Variants in C9orf85 observed in about 807,000 individuals in gnomAD.
C9orf85 encodes uncharacterized protein C9orf85.
C9orf85 carries 16 observed loss-of-function variants against 14.9 expected under a neutral mutation model. That is an observed-to-expected ratio of 1.08 (90% CI 0.73 to 1.63). The LOEUF is 1.63. Among genes scored for constraint, C9orf85 ranks in the 40% most tolerant of loss-of-function variants. The probability of loss-of-function intolerance (pLI) is 0.00; values close to 1 mark genes in which losing one functional copy is unlikely to be tolerated. For missense variants in C9orf85, 172 were observed against 186.1 expected, an observed-to-expected ratio of 0.92 and a Z score of 0.44; for synonymous variants, 45 against 56.8, an observed-to-expected ratio of 0.79 and a Z score of 0.93.
At chr9:71,956,407 G>A (rs775040668) in intron 2 of C9orf85, among the ~76,000 whole-genome samples, 9 of 151,644 alleles carry the variant, frequency 5.9e-5, no homozygotes, top group Non-Finnish European at 1.3e-4. Context: ...GCACCACCAC[G>A]CTCAGCTAAT....
intron 1 of C9orf85, among the ~76,000 whole-genome samples, chr9:71,926,610 C>A (rs1589248624): frequency 1.5e-5 from 2 of 133,786 alleles, no homozygotes; most frequent in African/African-American, 2.8e-5. Context: ...TTTCAAAGTC[C>A]AAAAACCAGC....
chr9:71,942,116 C>G (rs555778531), intron 1 of C9orf85, among the ~76,000 whole-genome samples: 1 of 152,282 alleles, frequency 6.6e-6, no homozygotes, highest in African/African-American at 2.4e-5. Context: ...TCCTGCAGAT[C>G]CTATGACTAT....
chr9:71,936,429 T>C (rs1480178244), intron 1 of C9orf85, among the ~76,000 whole-genome samples: 1 of 148,638 alleles, frequency 6.7e-6, no homozygotes, highest in African/African-American at 2.5e-5. Context: ...ACAAATGGGA[T>C]TGAAAGTATT....
At chr9:71,924,568 G>A (rs1827888340) in intron 1 of C9orf85, among the ~76,000 whole-genome samples, 1 of 152,150 alleles carries the variant, frequency 6.6e-6, no homozygotes, top group African/African-American at 2.4e-5. Context: ...CAGTTTTGGA[G>A]GTCAGCTGAT....
intron 3 of C9orf85, among the ~76,000 whole-genome samples, chr9:71,982,172 A>C (rs755434099): frequency 7.2e-5 from 11 of 152,092 alleles, no homozygotes; most frequent in Non-Finnish European, 1.3e-4. Context: ...GTCTAGCTCC[A>C]TTCACCTTAC....
chr9:71,951,815 G>A (rs186090646), intron 2 of C9orf85, among the ~76,000 whole-genome samples: 5 of 151,760 alleles, frequency 3.3e-5, no homozygotes, highest in Admixed American at 1.3e-4. Flanking sequence ...AAATAATCTC[G>A]ATATGGAGCT....
intron 1 of C9orf85, among the ~76,000 whole-genome samples, chr9:71,917,166 G>T (rs1375092063): frequency 6.6e-6 from 1 of 152,198 alleles, no homozygotes; most frequent in Non-Finnish European, 1.5e-5. Context: ...CTGTATTTTT[G>T]GGTGTAATGG....
intron 1 of C9orf85, among the ~76,000 whole-genome samples, chr9:71,937,252 T>A (rs1828213674): frequency 6.6e-6 from 1 of 152,324 alleles, no homozygotes; most frequent in Middle Eastern, 3.4e-3. Context: ...TGCCACAGCA[T>A]GTTTCTGCCT....
chr9:71,942,310 C>T (rs1821953898), intron 1 of C9orf85, among the ~76,000 whole-genome samples: 1 of 152,206 alleles, frequency 6.6e-6, no homozygotes. Context: ...TGAAACTTTG[C>T]ACTTCAGTAA....
At chr9:71,980,246 G>C (rs1379540115) in intron 3 of C9orf85, among the ~76,000 whole-genome samples, 1 of 152,008 alleles carries the variant, frequency 6.6e-6, no homozygotes, top group Non-Finnish European at 1.5e-5. Flanking sequence ...ACTCCTGACT[G>C]CAAGTGATCC....
At chr9:71,933,672 G>T (rs1042358466) in intron 1 of C9orf85, among the ~76,000 whole-genome samples, 1 of 152,076 alleles carries the variant, frequency 6.6e-6, no homozygotes, top group Admixed American at 6.6e-5. Context: ...GTCCCCTGTA[G>T]AAACTAAAGA....
intron 2 of C9orf85, among the ~76,000 whole-genome samples, chr9:71,962,993 T>C (rs371173422): frequency 3.9e-5 from 6 of 151,974 alleles, no homozygotes; most frequent in African/African-American, 1.4e-4. Flanking sequence ...GAAGTGGAGG[T>C]TGCAGTGAGC....
intron 3 of C9orf85, among the ~76,000 whole-genome samples, chr9:71,982,074 C>G (rs148767513): frequency 5.3e-5 from 8 of 152,162 alleles, no homozygotes; most frequent in Non-Finnish European, 8.8e-5. Context: ...ACTCCCCAGC[C>G]CCAAGCAACT....
At chr9:71,981,655 G>A (rs1217462106) in intron 3 of C9orf85, among the ~76,000 whole-genome samples, 3 of 152,150 alleles carry the variant, frequency 2.0e-5, no homozygotes, top group African/African-American at 7.2e-5. Context: ...GATTAGTTAA[G>A]TCCAAATTCA....
chr9:71,949,724 G>A (rs1488332492), intron 2 of C9orf85, among the ~76,000 whole-genome samples: 2 of 152,086 alleles, frequency 1.3e-5, no homozygotes, highest in African/African-American at 4.8e-5. Context: ...GAAAATCATG[G>A]GGAAAATGTG....
At chr9:71,911,918 C>T in intron 1 of C9orf85, 82 bp downstream of exon 1, 5 of 1,268,966 alleles carry the variant, frequency 3.9e-6, no homozygotes, top group Non-Finnish European at 4.6e-6. Context: ...TGAGAGGAGT[C>T]GGCTGGGGCG....
At chr9:71,934,409 C>T (rs1475853269) in intron 1 of C9orf85, among the ~76,000 whole-genome samples, 5 of 152,166 alleles carry the variant, frequency 3.3e-5, no homozygotes, top group African/African-American at 4.8e-5. Flanking sequence ...CTTTGTTTGG[C>T]GTCTTGCAAT....
chr9:71,914,927 T>A (rs567689190), intron 1 of C9orf85, among the ~76,000 whole-genome samples: 1 of 152,280 alleles, frequency 6.6e-6, no homozygotes, highest in East Asian at 1.9e-4. Context: ...TCTTTTCTAG[T>A]CATTTAGTAC....
intron 1 of C9orf85, among the ~76,000 whole-genome samples, chr9:71,912,688 C>T (rs1454852210): frequency 6.6e-6 from 1 of 152,074 alleles, no homozygotes; most frequent in Non-Finnish European, 1.5e-5. Flanking sequence ...AGTTCGAGAA[C>T]GACCTGGCCA....
Sources: allele counts gnomAD v4.1 joint callset (sites outside exome capture counted in the v4.1 genomes callset), GRCh38; gene constraint gnomAD v4.1.1; transcripts MANE v1.5; gene names NCBI Gene and HGNC (gene_info 2026-07-23, HGNC 2026-07-21).